LTBP1: variants seen among roughly 807,000 people sequenced by gnomAD.
LTBP1 encodes the protein latent transforming growth factor beta binding protein 1, also known as latent-transforming growth factor beta-binding protein 1.
A neutral mutation model predicts 207.6 loss-of-function variants in LTBP1; 129 were observed. The observed-to-expected ratio is 0.62, with a 90% CI of 0.54 to 0.72. The LOEUF (loss-of-function observed/expected upper bound fraction) is 0.72, where lower values mean the gene tolerates loss of function less well. Ranked by LOEUF, LTBP1 falls within the 30% of genes least tolerant of loss-of-function variation. The pLI, the probability that LTBP1 is intolerant of heterozygous loss-of-function variation, is 0.00. For synonymous variants in LTBP1, 963 were observed against 833.7 expected, an observed-to-expected ratio of 1.16 and a Z score of -2.67; for missense variants, 2,281 against 2,217.2, an observed-to-expected ratio of 1.03 and a Z score of -0.58.
intron 4 of LTBP1, among the ~76,000 whole-genome samples, chr2:33,121,519 G>C (rs1029592715): frequency 6.6e-6 from 1 of 152,034 alleles, no homozygotes; most frequent in Admixed American, 6.5e-5. Context: ...CACCAGCTGG[G>C]CTCCTTGTTT....
chr2:33,299,057 T>C (rs1024717240), intron 20 of LTBP1, among the ~76,000 whole-genome samples: 1 of 151,988 alleles, frequency 6.6e-6, no homozygotes, highest in African/African-American at 2.4e-5. Flanking sequence ...AGGCGGATCA[T>C]GAGGTCAAGA....
intron 3 of LTBP1, among the ~76,000 whole-genome samples, chr2:33,093,235 T>C (rs1243548489): frequency 1.3e-5 from 2 of 152,224 alleles, no homozygotes; most frequent in Non-Finnish European, 2.9e-5. Flanking sequence ...GGGAAATAAG[T>C]GAGTAAAATA....
At chr2:33,073,302 T>G (rs1218294858) in intron 3 of LTBP1, among the ~76,000 whole-genome samples, 1 of 152,108 alleles carries the variant, frequency 6.6e-6, no homozygotes, top group Non-Finnish European at 1.5e-5. Flanking sequence ...GTTTTTTTAT[T>G]TTACCATGTA....
chr2:32,952,750 C>T (rs1677363043), intron 2 of LTBP1, among the ~76,000 whole-genome samples: 1 of 152,054 alleles, frequency 6.6e-6, no homozygotes, highest in Non-Finnish European at 1.5e-5. Flanking sequence ...AGAGACATTG[C>T]CGGTAGGCTC....
intron 29 of LTBP1, 102 bp from the exon 30 acceptor site, chr2:33,364,114 C>T (rs757590087): frequency 9.5e-6 from 11 of 1,155,066 alleles, no homozygotes; most frequent in Non-Finnish European, 1.3e-5. Flanking sequence ...TTTGGCAGCA[C>T]CTGGAATCTG....
intron 20 of LTBP1, among the ~76,000 whole-genome samples, chr2:33,295,113 A>G (rs1222539017): frequency 6.6e-6 from 1 of 151,954 alleles, no homozygotes; most frequent in African/African-American, 2.4e-5. Flanking sequence ...GAACACTTCT[A>G]ATTTTTAAAC....
chr2:33,121,159 CTTTTTTTTT>C (rs61065486), intron 4 of LTBP1, among the ~76,000 whole-genome samples: 2 of 87,536 alleles, frequency 2.3e-5, no homozygotes, highest in Non-Finnish European at 4.1e-5. Context: ...TTTGTAAAGT[CTTTTTTTTT>C]TTTTTTTTTT....
At chr2:33,010,240 C>T (rs1182867530) in intron 2 of LTBP1, among the ~76,000 whole-genome samples, 3 of 152,242 alleles carry the variant, frequency 2.0e-5, no homozygotes, top group African/African-American at 4.8e-5. Context: ...GAACAGATTC[C>T]GTGGAAAAGC....
intron 3 of LTBP1, among the ~76,000 whole-genome samples, chr2:33,027,727 C>T (rs1157625854): frequency 6.6e-6 from 1 of 152,100 alleles, no homozygotes; most frequent in Non-Finnish European, 1.5e-5. Context: ...GTCCCAGCTA[C>T]TCAGGAGGCA....
rs367552928 is a variant in LTBP1 at position 33,106,703 on chromosome 2, G to A, written c.864-3879G>A. On this transcript the variant is annotated intron_variant, in intron 3 of 33. Coordinates refer to ENST00000404816, the MANE Select transcript of LTBP1 (RefSeq NM_206943.4). ...TGCAAACGCATGTGCTGTCATCCAGGCTATGTTGTTGTAGAGCACAGGCAG... is the reference window on the plus strand; with the variant it reads ...TGCAAACGCATGTGCTGTCATCCAGACTATGTTGTTGTAGAGCACAGGCAG... Among the ~76,000 whole-genome samples the A allele has an allele frequency of 2.6e-5, 4 of 152,052 alleles. No homozygotes were observed. The East Asian group carries it at 7.7e-4, about 29-fold the overall frequency.
chr2:33,126,026 A>G (rs1048167422), intron 4 of LTBP1, among the ~76,000 whole-genome samples: 5 of 152,062 alleles, frequency 3.3e-5, no homozygotes, highest in African/African-American at 1.2e-4. Context: ...GATACTTTCA[A>G]GGTGGTTCAC....
chr2:33,021,023 C>G lies in LTBP1; in HGVS notation c.680C>G (p.Ser227Trp). 6.2e-7 allele frequency: 1 copy of G among 1,614,088 alleles called. No individual in the cohort carries two copies. Among genetic ancestry groups the G allele is most frequent in the Non-Finnish European group, 8.5e-7 (1 of 1,179,988 alleles). The part of the protein sequence containing the change: ...ACETIAAQDT[S>W]SPVFGGQSPG... The stretch of plus-strand genomic sequence containing the variant: ...GAAACAATAGCTGCCCAGGACACCT[C>G]GTCACCAGTCTTTGGAGGGCAGAGT... The change falls in exon 3 of 34, where the codon TCG becomes TGG. Residue 227 changes from serine (S) to tryptophan (W), a missense_variant. Transcript: ENST00000404816.
At chr2:33,167,510 G>A (rs2085034698) in intron 5 of LTBP1, among the ~76,000 whole-genome samples, 1 of 152,222 alleles carries the variant, frequency 6.6e-6, no homozygotes, top group Admixed American at 6.5e-5. Context: ...AGTCAGATGT[G>A]AACCCAGACA....
At chr2:33,213,181 G>A (rs983092711) in intron 7 of LTBP1, among the ~76,000 whole-genome samples, 1 of 152,158 alleles carries the variant, frequency 6.6e-6, no homozygotes, top group Non-Finnish European at 1.5e-5. Context: ...CCAAGGTTGT[G>A]TGAGCTTTTT....
rs992629511 is a variant in LTBP1, at chr2:33,273,838, A to C, written c.2743+57A>C. On this transcript the variant is annotated intron_variant, in intron 16 of 33. Transcript: ENST00000404816. ...AATATCAAACATTTGAACATTAAGA[A>C]CATTTTTTTCTTAAACCAACTTAAC... 2.7e-6 allele frequency: 4 copies of C among 1,474,044 alleles called. No homozygotes were observed. In the African/African-American group the frequency reaches 5.8e-5, roughly 21 times the overall value. The allele number at this position is 1,474,044 out of a possible 1,614,324, so 91.3% of individuals were successfully genotyped here.
chr2:32,983,875 A>G (rs944746516), intron 2 of LTBP1, among the ~76,000 whole-genome samples: 1 of 152,204 alleles, frequency 6.6e-6, no homozygotes, highest in Non-Finnish European at 1.5e-5. Flanking sequence ...CAGTATGAAA[A>G]TGGACTAATA....
Position 33,389,190 on chromosome 2 carries a change from A to C in LTBP1, c.4718A>C (p.Tyr1573Ser). Residue 1573 changes from tyrosine to serine, a missense_variant, in exon 32 of 34, where the codon TAT becomes TCT. Coordinates refer to ENST00000404816, the MANE Select transcript of LTBP1 (RefSeq NM_206943.4). ...CTGCTTGTCTACTCCTTAGATGACT[A>C]TGCTCAGCTGTGTAACATCCCCGTG... ...ALCPLKDSDDYAQLCNIPVTG... is the reference protein window; with the variant it reads ...ALCPLKDSDDSAQLCNIPVTG... The C allele has an allele frequency of 1.2e-6, 2 of 1,614,110 alleles. No homozygotes were observed. Among genetic ancestry groups the C allele is most frequent in the Non-Finnish European group, 1.7e-6 (2 of 1,180,002 alleles).
intron 3 of LTBP1, among the ~76,000 whole-genome samples, chr2:33,060,113 G>C (rs1460108426): frequency 6.6e-6 from 1 of 152,126 alleles, no homozygotes; most frequent in Non-Finnish European, 1.5e-5. Flanking sequence ...TTAAACTGTA[G>C]ACTCCATTTC....
intron 5 of LTBP1, among the ~76,000 whole-genome samples, chr2:33,181,543 C>T (rs2086639555): frequency 6.6e-6 from 1 of 152,212 alleles, no homozygotes; most frequent in African/African-American, 2.4e-5. Context: ...CACAAAATTA[C>T]ACTTTCTGGA....
Sources: gnomAD v4.1 joint callset for allele counts (sites outside exome capture counted in the v4.1 genomes callset) on GRCh38, gnomAD v4.1.1 for gene constraint, MANE v1.5 for transcripts, NCBI Gene and HGNC (gene_info 2026-07-23, HGNC 2026-07-21) for gene names.